The following CDH12 variants were observed in gnomAD, a reference collection of about 807,000 sequenced individuals.
CDH12 encodes the protein cadherin 12, also known as cadherin-12.
A neutral mutation model predicts 74.1 loss-of-function variants in CDH12; 41 were observed. The observed-to-expected ratio is 0.55, with a 90% CI of 0.43 to 0.72. The LOEUF is 0.72. Ranked by LOEUF, CDH12 falls within the 30% of genes least tolerant of loss-of-function variation. The pLI is 0.00. For missense variants in CDH12, 945 were observed against 977.2 expected, an observed-to-expected ratio of 0.97 and a Z score of 0.44; for synonymous variants, 399 against 355.0, an observed-to-expected ratio of 1.12 and a Z score of -1.39.
intron 3 of CDH12, among the ~76,000 whole-genome samples, chr5:22,349,758 G>A (rs967950592): frequency 1.3e-5 from 2 of 151,512 alleles, no homozygotes; most frequent in Non-Finnish European, 2.9e-5. Flanking sequence ...TTTTTGAGAC[G>A]GAGTCTGGCT....
At chr5:21,952,518 G>A (rs573924502) in intron 6 of CDH12, among the ~76,000 whole-genome samples, 4 of 152,252 alleles carry the variant, frequency 2.6e-5, no homozygotes, top group East Asian at 1.9e-4. Context: ...CATAACTTTC[G>A]CATCTTGTCT....
intron 7 of CDH12, among the ~76,000 whole-genome samples, chr5:21,851,941 G>T (rs1750488270): frequency 6.6e-6 from 1 of 151,258 alleles, no homozygotes; most frequent in Admixed American, 6.6e-5. Flanking sequence ...TTTCTTTTCA[G>T]AATTGTTTTA....
intron 5 of CDH12, among the ~76,000 whole-genome samples, chr5:22,007,265 T>C (rs1196922835): frequency 6.6e-6 from 1 of 152,178 alleles, no homozygotes; most frequent in African/African-American, 2.4e-5. Flanking sequence ...TACAACGTGG[T>C]GACCATAGTT....
At chr5:21,753,152 A>G (rs1018084600) in intron 14 of CDH12, among the ~76,000 whole-genome samples, 10 of 152,184 alleles carry the variant, frequency 6.6e-5, no homozygotes, top group Admixed American at 6.5e-4. Context: ...TGGTGTCAAC[A>G]GGTGAAAGCT....
At chr5:22,837,267 T>TA (rs926265572) in intron 1 of CDH12, among the ~76,000 whole-genome samples, 10 of 151,810 alleles carry the variant, frequency 6.6e-5, no homozygotes, top group African/African-American at 2.2e-4. Flanking sequence ...ACAAAAATTT[T>TA]AAAAAAATTA....
chr5:22,741,858 C>A (rs1745040532), intron 1 of CDH12, among the ~76,000 whole-genome samples: 1 of 152,178 alleles, frequency 6.6e-6, no homozygotes, highest in African/African-American at 2.4e-5. Flanking sequence ...CAGAGAATTT[C>A]TTATGATGAA....
intron 6 of CDH12, among the ~76,000 whole-genome samples, 191 bp from the exon 7 acceptor site, chr5:21,854,981 A>G (rs772958528): frequency 2.0e-5 from 3 of 151,808 alleles, no homozygotes; most frequent in Non-Finnish European, 4.4e-5. Flanking sequence ...AGTGCAAATC[A>G]TAAGTTTAAA....
At chr5:22,077,316 ATTTAT>A (rs1742399684) in intron 5 of CDH12, among the ~76,000 whole-genome samples, 1 of 152,242 alleles carries the variant, frequency 6.6e-6, no homozygotes, top group Middle Eastern at 3.4e-3. Flanking sequence ...CCACAATGTA[ATTTAT>A]TTTAAGTGTG....
chr5:22,432,118 G>A lies in CDH12; in HGVS notation c.-427-26767C>T, dbSNP rs561955966. Among the ~76,000 whole-genome samples, 11 of 152,130 alleles carry A rather than the reference G, an allele frequency of 7.2e-5. No individual in the cohort carries two copies. In the East Asian group the frequency reaches 2.1e-3, roughly 30 times the overall value. On this transcript the variant is annotated intron_variant, in intron 2 of 14. Coordinates refer to ENST00000382254, the MANE Select transcript of CDH12 (RefSeq NM_004061.5). ...TTGCATTTACAATAAGTGCGGTATT[G>A]AAGTGTACTATTTTTTATATTTTAT... is the stretch of plus-strand genomic sequence containing the variant.
chr5:22,307,092 G>A (rs1382372742), intron 3 of CDH12, among the ~76,000 whole-genome samples: 3 of 152,106 alleles, frequency 2.0e-5, no homozygotes, highest in East Asian at 3.9e-4. Flanking sequence ...TTTCTGCAGC[G>A]AATTTGAGTC....
At chr5:22,273,743 TCTCA>T (rs2150401829) in intron 3 of CDH12, among the ~76,000 whole-genome samples, 1 of 151,980 alleles carries the variant, frequency 6.6e-6, no homozygotes, top group Non-Finnish European at 1.5e-5. Flanking sequence ...ATTATTCCTA[TCTCA>T]CTCCTTTTCT....
intron 4 of CDH12, among the ~76,000 whole-genome samples, chr5:22,209,527 T>C (rs1751410535): frequency 6.6e-6 from 1 of 152,034 alleles, no homozygotes; most frequent in Non-Finnish European, 1.5e-5. Context: ...TATTTTATTT[T>C]ATCCTGAGAG....
rs144117760 is a variant in CDH12, at chr5:21,802,178, G to A, written c.1245C>T (p.Ser415=). ...AVTAQDLDVG[S]SAVRYFIDWK... ...TTTCTTTTTCTCACCTAACAGCACT[G>A]CTGCCTACATCCAGGTCTTGAGCAG... The change falls in exon 10 of 15, where the codon AGC becomes AGT. Residue 415 remains serine, a synonymous_variant. Transcript: ENST00000382254. The A allele has an allele frequency of 4.3e-5, 69 of 1,613,496 alleles. No homozygotes were observed. In the African/African-American group the frequency reaches 8.3e-4, roughly 19 times the overall value.
At chr5:22,693,354 T>C (rs1742184250) in intron 1 of CDH12, among the ~76,000 whole-genome samples, 1 of 152,120 alleles carries the variant, frequency 6.6e-6, no homozygotes, top group Admixed American at 6.5e-5. Context: ...CCTTGGCAGC[T>C]TGTGAGAGTG....
chr5:22,641,319 T>A (rs2126870872), intron 1 of CDH12, among the ~76,000 whole-genome samples: 1 of 152,250 alleles, frequency 6.6e-6, no homozygotes, highest in African/African-American at 2.4e-5. Flanking sequence ...CCTAAAGTCT[T>A]GGAGTTCTGA....
intron 9 of CDH12, among the ~76,000 whole-genome samples, chr5:21,810,146 A>C (rs1001213884): frequency 6.6e-6 from 1 of 152,096 alleles, no homozygotes; most frequent in South Asian, 2.1e-4. Flanking sequence ...AGTTAGTAAT[A>C]GAAAATGCAC....
In CDH12 at chr5:22,493,250, T is replaced by C. The variant is rs114505789; in HGVS notation, c.-428+12020A>G. Reference sequence around the variant, plus strand: ...TAATACATCAACTTCCTTGATTGGCTTTATTATGCATTATTAGTCCTTAAT... The same window carrying C: ...TAATACATCAACTTCCTTGATTGGCCTTATTATGCATTATTAGTCCTTAAT... On this transcript the variant is annotated intron_variant, in intron 2 of 14. Coordinates refer to ENST00000382254, the MANE Select transcript of CDH12 (RefSeq NM_004061.5). Among the ~76,000 whole-genome samples the C allele has an allele frequency of 7.2e-3, 1,090 of 152,296 alleles. 11 individuals carry two copies. Among genetic ancestry groups the C allele is most frequent in the African/African-American group, 0.025 (1,054 of 41,548 alleles).
rs891938449 is a variant in CDH12 at position 21,929,217 on chromosome 5, G to T, written c.526+45874C>A. Among the ~76,000 whole-genome samples, 5 of 151,734 alleles carry T rather than the reference G, an allele frequency of 3.3e-5. No homozygotes were observed. In the South Asian group the frequency reaches 6.3e-4, roughly 19 times the overall value. ...TCTTCCATGGATGGTGGGTGGAGGG[G>T]GATGGTTCCAGGAAGATTCAAGCAC... On this transcript the variant is annotated intron_variant, in intron 6 of 14. Transcript: ENST00000382254.
intron 4 of CDH12, among the ~76,000 whole-genome samples, chr5:22,097,326 G>T (rs980793358): frequency 1.3e-5 from 2 of 152,110 alleles, no homozygotes; most frequent in South Asian, 2.1e-4. Flanking sequence ...GACTGACACT[G>T]CCCGATCGCC....
Sources: gnomAD v4.1 joint callset for allele counts (sites outside exome capture counted in the v4.1 genomes callset) on GRCh38, gnomAD v4.1.1 for gene constraint, MANE v1.5 for transcripts, NCBI Gene and HGNC (gene_info 2026-07-23, HGNC 2026-07-21) for gene names.